TSPAN9: variants seen among roughly 807,000 people sequenced by gnomAD.
TSPAN9 encodes tetraspanin 9.
A neutral mutation model predicts 31.0 loss-of-function variants in TSPAN9; 16 were observed. The ratio of observed to expected loss-of-function variants is 0.52; its 90% CI spans 0.35 to 0.78. The LOEUF (loss-of-function observed/expected upper bound fraction) is 0.78. TSPAN9 is among the 30% of genes least tolerant of loss of function. The pLI is 0.01. For missense variants in TSPAN9, 272 were observed against 312.5 expected (o/e 0.87, Z 0.98); for synonymous variants, 145 against 121.6 (o/e 1.19, Z -1.27).
At chr12:3,152,842 C>T (rs985220758) in intron 2 of TSPAN9, among the ~76,000 whole-genome samples, 4 of 152,230 alleles carry the variant, frequency 2.6e-5, no homozygotes, top group Non-Finnish European at 5.9e-5. Flanking sequence ...CCCGCCTTGG[C>T]CTCCCAAAGT....
intron 3 of TSPAN9, among the ~76,000 whole-genome samples, chr12:3,221,013 C>G (rs1167862092): frequency 6.6e-6 from 1 of 152,296 alleles, no homozygotes; most frequent in East Asian, 1.9e-4. Flanking sequence ...CCTGGAGACT[C>G]AGCATCAGGC....
intron 2 of TSPAN9, among the ~76,000 whole-genome samples, chr12:3,137,276 G>A (rs1244714152): frequency 1.3e-5 from 2 of 152,176 alleles, no homozygotes; most frequent in African/African-American, 4.8e-5. Flanking sequence ...TGGAGCTCCC[G>A]CAGCTGGGCC....
intron 3 of TSPAN9, among the ~76,000 whole-genome samples, chr12:3,254,317 C>T (rs948019555): frequency 1.3e-5 from 2 of 152,200 alleles, no homozygotes; most frequent in Non-Finnish European, 2.9e-5. Flanking sequence ...GCCCTCATCC[C>T]TGGCCCCTGC....
chr12:3,254,688 ACT>A (rs1156930734), intron 3 of TSPAN9, among the ~76,000 whole-genome samples: 1 of 152,158 alleles, frequency 6.6e-6, no homozygotes, highest in Non-Finnish European at 1.5e-5. Context: ...TGAAGGGCAT[ACT>A]CTTAGTAAAC....
chr12:3,278,493 C>T lies in TSPAN9; in HGVS notation c.136C>T (p.Pro46Ser), dbSNP rs1862833934. 1 of 1,614,226 alleles carries T rather than the reference C, an allele frequency of 6.2e-7. No homozygotes were observed. Residue 46 changes from proline (P) to serine (S), a missense_variant, in exon 4 of 9, where the codon CCC (proline) becomes TCC (serine). Pro to Ser is a moderately conservative substitution (Grantham distance 74). Coordinates refer to ENST00000011898, the MANE Select transcript of TSPAN9 (RefSeq NM_006675.5). Reference sequence around the variant, plus strand: ...CCAAGGCAACTTTGCCACCTTCTCCCCCAGCTTCCCTTCGTTGTCTGCAGC... The same window carrying T: ...CCAAGGCAACTTTGCCACCTTCTCCTCCAGCTTCCCTTCGTTGTCTGCAGC... ...VSQGNFATFS[P>S]SFPSLSAANL...
intron 2 of TSPAN9, among the ~76,000 whole-genome samples, chr12:3,166,600 A>G (rs962757343): frequency 6.6e-6 from 1 of 152,280 alleles, no homozygotes; most frequent in South Asian, 2.1e-4. Context: ...GAAGTATAAC[A>G]TATGTATGCA....
rs1863013387 is a variant in TSPAN9, at chr12:3,286,198, G to A, written c.*3082G>A. The stretch of plus-strand genomic sequence containing the variant: ...GCATAGGATGGGAGCTGGGCGTGAG[G>A]TGCTTGGGGTCCATTCTTTGTCCCT... On this transcript the variant is annotated 3_prime_UTR_variant, in exon 9 of 9. Transcript: ENST00000011898. This position sits in a 1 kb window ranked among gnomAD's most constrained non-coding sequence, Gnocchi z 4.1. The A allele has an allele frequency of 2.0e-5, 3 of 152,822 alleles. No individual in the cohort carries two copies. The South Asian group carries it at 6.2e-4, about 32-fold the overall frequency. The allele number at this position is 152,822 out of a possible 1,614,324, so 9.5% of individuals were successfully genotyped here. A position where few individuals can be genotyped will look rare whatever the true frequency, so the allele number is the denominator to read the frequency against.
chr12:3,279,877 C>A (rs555210260), intron 5 of TSPAN9, among the ~76,000 whole-genome samples: 9 of 152,316 alleles, frequency 5.9e-5, no homozygotes, highest in Non-Finnish European at 1.2e-4. Context: ...TTAATTCTAA[C>A]AACAGCGCCA....
At chr12:3,182,124 C>T (rs983492616) in intron 2 of TSPAN9, among the ~76,000 whole-genome samples, 5 of 152,034 alleles carry the variant, frequency 3.3e-5, no homozygotes, top group African/African-American at 4.8e-5. Context: ...CCCCCGGCCC[C>T]CAGTCAACCC....
chr12:3,189,369 T>C (rs2098363140), intron 2 of TSPAN9, among the ~76,000 whole-genome samples: 1 of 152,194 alleles, frequency 6.6e-6, no homozygotes, highest in Non-Finnish European at 1.5e-5. Context: ...AGTGACAAGC[T>C]TGAGTATTTG....
intron 3 of TSPAN9, among the ~76,000 whole-genome samples, chr12:3,275,859 G>T (rs1862775539): frequency 1.3e-5 from 2 of 152,382 alleles, no homozygotes; most frequent in Non-Finnish European, 2.9e-5. Context: ...ACTGTCTCTT[G>T]GTTAGTAATA....
chr12:3,105,828 A>G (rs1465836324), intron 2 of TSPAN9, among the ~76,000 whole-genome samples: 1 of 130,808 alleles, frequency 7.6e-6, no homozygotes, highest in Non-Finnish European at 1.7e-5. Context: ...ACGCGCACAC[A>G]CACTTTCATA....
Position 3,109,657 on chromosome 12 carries a change from G to C in TSPAN9, c.-18+25938G>C, listed in dbSNP as rs139879262. ...ACTAAAAATACAAAAAATTAGCCGGGCATCGTGGCAGGCGCCTGTAATCCC... is the reference window on the plus strand; with the variant it reads ...ACTAAAAATACAAAAAATTAGCCGGCCATCGTGGCAGGCGCCTGTAATCCC... On this transcript the variant is annotated intron_variant, in intron 2 of 8. Coordinates refer to ENST00000011898, the MANE Select transcript of TSPAN9 (RefSeq NM_006675.5). Among the ~76,000 whole-genome samples the C allele has an allele frequency of 8.5e-3, 1,290 of 151,890 alleles. 21 individuals carry two copies. Among genetic ancestry groups the C allele is most frequent in the African/African-American group, 0.028 (1,167 of 41,396 alleles).
At chr12:3,237,796 C>T (rs1218994916) in intron 3 of TSPAN9, among the ~76,000 whole-genome samples, 1 of 152,210 alleles carries the variant, frequency 6.6e-6, no homozygotes, top group Admixed American at 6.5e-5. Context: ...TTAGCTCCCT[C>T]CAGCTGTCCC....
At chr12:3,251,838 T>TC (rs1465313042) in intron 3 of TSPAN9, among the ~76,000 whole-genome samples, 8 of 152,088 alleles carry the variant, frequency 5.3e-5, no homozygotes, top group African/African-American at 1.4e-4. Context: ...GGGACCCGGC[T>TC]CCCAGGGAGC....
intron 3 of TSPAN9, among the ~76,000 whole-genome samples, chr12:3,237,164 A>G (rs749218184): frequency 1.3e-4 from 20 of 152,186 alleles, no homozygotes; most frequent in Non-Finnish European, 2.8e-4. Flanking sequence ...GAGAAGGCTC[A>G]TCCCAAATTT....
At chr12:3,125,128 A>G (rs974702395) in intron 2 of TSPAN9, 4 of 152,210 alleles carry the variant, frequency 2.6e-5, no homozygotes, top group African/African-American at 9.6e-5. Context: ...ATATAACACT[A>G]CAAATCCTAA....
At chr12:3,106,683 A>T (rs1220052702) in intron 2 of TSPAN9, among the ~76,000 whole-genome samples, 4 of 152,074 alleles carry the variant, frequency 2.6e-5, no homozygotes, top group Non-Finnish European at 5.9e-5. Context: ...AGGTGGGGGG[A>T]TCACCTGAGC....
chr12:3,258,351 T>C (rs2153978784), intron 3 of TSPAN9, among the ~76,000 whole-genome samples: 1 of 152,262 alleles, frequency 6.6e-6, no homozygotes, highest in East Asian at 1.9e-4. Context: ...AGACATGTCC[T>C]TTCCATCCAG....
Sources: allele counts gnomAD v4.1 joint callset (sites outside exome capture counted in the v4.1 genomes callset), GRCh38; gene constraint gnomAD v4.1.1; non-coding constraint Gnocchi (gnomAD v3.1); transcripts MANE v1.5; gene names NCBI Gene and HGNC (gene_info 2026-07-23, HGNC 2026-07-21).